The following HIP1R variants were observed in gnomAD, a reference collection of about 807,000 sequenced individuals.
HIP1R encodes the protein huntingtin-interacting protein 1-related protein.
HIP1R carries 135 observed loss-of-function variants against 144.2 expected under a neutral mutation model. That is an observed-to-expected ratio of 0.94 (90% CI 0.81 to 1.08). The LOEUF is 1.08. Ranked by LOEUF, HIP1R falls within the 50% of genes least tolerant of loss-of-function variation. The pLI, the probability that HIP1R is intolerant of heterozygous loss-of-function variation, is 0.00. For synonymous variants in HIP1R, 698 were observed against 612.8 expected, an observed-to-expected ratio of 1.14 and a Z score of -2.05; for missense variants, 1,462 against 1,432.8, an observed-to-expected ratio of 1.02 and a Z score of -0.33.
At chr12:122,845,385 G>A (rs909258107) in intron 1 of HIP1R, among the ~76,000 whole-genome samples, 2 of 152,220 alleles carry the variant, frequency 1.3e-5, no homozygotes, top group African/African-American at 2.4e-5. Flanking sequence ...TAGACACAAC[G>A]GGGCTGTGTT....
Position 122,854,270 on chromosome 12 carries a change from A to C in HIP1R, c.718+87A>C, listed in dbSNP as rs2033491672. 1.3e-5 allele frequency: 16 copies of C among 1,223,570 alleles called. No homozygotes were observed. The South Asian group carries it at 2.7e-4, about 20-fold the overall frequency. The allele number at this position is 1,223,570 out of a possible 1,614,324, so 75.8% of individuals were successfully genotyped here. On this transcript the variant is annotated intron_variant, in intron 8 of 31. Transcript: ENST00000253083. The stretch of plus-strand genomic sequence containing the variant: ...TGTCAAAAAGGAAAATCGAAAAATT[A>C]GAGGTTTATTCATTTAAAAATGGCA...
intron 5 of HIP1R, chr12:122,850,251 C>T: frequency 1.8e-6 from 1 of 570,720 alleles, no homozygotes; most frequent in Non-Finnish European, 3.3e-6. Flanking sequence ...TCCCCTCCTC[C>T]CAACCCCTCC....
chr12:122,837,361 C>T (rs919710017), intron 1 of HIP1R, among the ~76,000 whole-genome samples: 4 of 151,354 alleles, frequency 2.6e-5, no homozygotes, highest in Admixed American at 2.6e-4. Flanking sequence ...TCTCGTTGCC[C>T]AGGCTGGAGT....
Position 122,856,140 on chromosome 12 carries a change from A to G in HIP1R, c.1289A>G (p.Gln430Arg). 1 of 1,595,442 alleles carries G rather than the reference A, an allele frequency of 6.3e-7. No homozygotes were observed. Among genetic ancestry groups the G allele is most frequent in the Non-Finnish European group, 8.5e-7 (1 of 1,171,502 alleles). ...GCCCAGCTGGAGGGCGAGCGGAGCC[A>G]GGGCCTGCGTGAGGAGGCTGAGAGT... is the stretch of plus-strand genomic sequence containing the variant. ...RAAQLEGERS[Q>R]GLREEAERKA... Residue 430 changes from glutamine to arginine, a missense_variant, in exon 14 of 32, where the codon CAG becomes CGG. This residue lies in a region of HIP1R where 1,112 missense variants were observed against 1,011.7 expected (regional missense o/e 1.10). Transcript: ENST00000253083.
Position 122,857,077 on chromosome 12 carries a change from G to A in HIP1R, c.1677G>A (p.Leu559=), listed in dbSNP as rs2033605712. ...CGCTGAGTGCGGAGAAGGATGCTCT[G>A]AGTGGAGCTGTGCGGCAGCGGGAGG... ...LDTLSAEKDA[L]SGAVRQREAD... is the part of the protein sequence containing the mutation. Residue 559 remains leucine, a synonymous_variant, in exon 18 of 32, where the codon CTG becomes CTA. Coordinates refer to ENST00000253083, the MANE Select transcript of HIP1R (RefSeq NM_003959.3). 1.3e-6 allele frequency: 2 copies of A among 1,551,592 alleles called. No homozygotes were observed. Among genetic ancestry groups the A allele is most frequent in the South Asian group, 2.4e-5 (2 of 84,112 alleles).
Position 122,858,916 on chromosome 12 carries a change from C to T in HIP1R, c.2129C>T (p.Ser710Leu), listed in dbSNP as rs539146287. Residue 710 changes from serine to leucine, a missense_variant, in exon 21 of 32, where the codon TCG becomes TTG. Transcript: ENST00000253083. The part of the protein sequence containing the change: ...ADTIINGGAT[S>L]HLAPTDPADR... Reference sequence around the variant, plus strand: ...ACCATCATCAATGGCGGTGCCACCTCGCACCTGGCTCCCACCGACCCTGCC... The same window carrying T: ...ACCATCATCAATGGCGGTGCCACCTTGCACCTGGCTCCCACCGACCCTGCC... 39 of 1,613,132 alleles carry T rather than the reference C, an allele frequency of 2.4e-5. No homozygotes were observed. Among genetic ancestry groups the T allele is most frequent in the East Asian group, 4.5e-5 (2 of 44,880 alleles).
chr12:122,861,742 G>C lies in HIP1R; in HGVS notation c.3196G>C (p.Val1066Leu), dbSNP rs375706452. The change falls in exon 32 of 32, where the codon GTG becomes CTG. Residue 1066 changes from valine to leucine, a missense_variant. Around this residue, in one of 2 missense-constraint regions of HIP1R, gnomAD observed 1,112 missense variants for 1,011.7 expected, o/e 1.10. Coordinates refer to ENST00000253083, the MANE Select transcript of HIP1R (RefSeq NM_003959.3). Reference protein sequence around the residue: ...KKDGIYPAQLVNY With the variant: ...KKDGIYPAQLLNY ...GGATGGCATCTACCCAGCTCAACTC[G>C]TGAACTACTAGGCCCCCCAGGGGTC... The C allele has an allele frequency of 6.2e-7, 1 of 1,614,054 alleles. No homozygotes were observed. Among genetic ancestry groups the C allele is most frequent in the South Asian group, 1.1e-5 (1 of 91,084 alleles).
upstream of HIP1R, chr12:122,834,832 G>A (rs1418008835): frequency 1.2e-5 from 8 of 674,166 alleles, no homozygotes; most frequent in Middle Eastern, 3.0e-4. Flanking sequence ...ATGGATAACA[G>A]CTGCAGCTAT....
At position 122,861,852 on chromosome 12, in the gene HIP1R, G is replaced by A; in HGVS notation, c.*99G>A. The A allele has an allele frequency of 1.8e-6, 2 of 1,106,264 alleles. No individual in the cohort carries two copies. Among genetic ancestry groups the A allele is most frequent in the Non-Finnish European group, 2.7e-6 (2 of 748,356 alleles). The allele number at this position is 1,106,264 out of a possible 1,614,324, so 68.5% of individuals were successfully genotyped here. ...CCTTGCCCCTCCACCTGGTGCCCAA[G>A]CCTCCCGCCCCACCGTCTGGATCAA... On this transcript the variant is annotated 3_prime_UTR_variant, in exon 32 of 32. Transcript: ENST00000253083.
In HIP1R at chr12:122,858,103, A is replaced by G; in HGVS notation, c.1817A>G (p.Glu606Gly). ...GELQGRLAER[E>G]SQEQGLRQRL... The stretch of plus-strand genomic sequence containing the variant: ...TGTCCTCTTCACCCCCATTGCCAGG[A>G]GTCTCAGGAGCAGGGGCTGCGGCAG... Residue 606 changes from glutamate (E) to glycine (G), a missense_variant and splice_region_variant, in exon 19 of 32, where the codon GAG becomes GGG. Physicochemically the swap from Glu to Gly is moderately conservative, Grantham distance 98. Around this residue, in one of 2 missense-constraint regions of HIP1R, gnomAD observed 1,112 missense variants for 1,011.7 expected, o/e 1.10. Transcript: ENST00000253083. 1 of 1,576,800 alleles carries G rather than the reference A, an allele frequency of 6.3e-7. No homozygotes were observed.
chr12:122,839,024 CA>C (rs2032983941), intron 1 of HIP1R, among the ~76,000 whole-genome samples: 2 of 152,190 alleles, frequency 1.3e-5, no homozygotes, highest in Admixed American at 1.3e-4. Context: ...TTTGTTATGG[CA>C]GCCATAAGGA....
At chr12:122,858,728 C>T in intron 20 of HIP1R, 110 bp from the exon 21 acceptor site, 2 of 819,458 alleles carry the variant, frequency 2.4e-6, no homozygotes, top group Non-Finnish European at 4.2e-6. Flanking sequence ...CTTGCCGAGC[C>T]CTCCTTTCCT....
Position 122,854,036 on chromosome 12 carries a change from T to A in HIP1R, c.578-7T>A. On this transcript the variant is annotated splice_region_variant and splice_polypyrimidine_tract_variant and intron_variant, in intron 7 of 31. Transcript: ENST00000253083. The stretch of plus-strand genomic sequence containing the variant: ...CTCACGTTCTTCCTCCTGCCCCTTT[T>A]GCACAGTTTTCCGACAGCTCAACAC... 1.2e-6 allele frequency: 2 copies of A among 1,613,006 alleles called. No individual in the cohort carries two copies. Among genetic ancestry groups the A allele is most frequent in the Non-Finnish European group, 1.7e-6 (2 of 1,179,486 alleles).
intron 1 of HIP1R, among the ~76,000 whole-genome samples, chr12:122,846,886 T>C (rs1486769800): frequency 1.3e-5 from 2 of 152,190 alleles, no homozygotes; most frequent in Non-Finnish European, 2.9e-5. Flanking sequence ...AGACCCTAAT[T>C]GGATGTCCTC....
rs1230732096 is a variant in HIP1R, at chr12:122,861,781, G to C, written c.*28G>C. The C allele has an allele frequency of 6.2e-7, 1 of 1,611,154 alleles. No individual in the cohort carries two copies. Among genetic ancestry groups the C allele is most frequent in the Admixed American group, 1.7e-5 (1 of 59,922 alleles). On this transcript the variant is annotated 3_prime_UTR_variant, in exon 32 of 32. Coordinates refer to ENST00000253083, the MANE Select transcript of HIP1R (RefSeq NM_003959.3). ...CCCCCAGGGGTCCAGCAGGGTGGCTGGTGACAGGCCTGGGCCTCTGCAACT... is the reference window on the plus strand; with the variant it reads ...CCCCCAGGGGTCCAGCAGGGTGGCTCGTGACAGGCCTGGGCCTCTGCAACT...
chr12:122,835,107 C>G, upstream of HIP1R: 1 of 940,428 alleles, frequency 1.1e-6, no homozygotes, highest in Non-Finnish European at 1.5e-6. Flanking sequence ...CCTACCCTCC[C>G]CTCCGGGTTT....
At chr12:122,846,983 C>G (rs776659947) in intron 1 of HIP1R, among the ~76,000 whole-genome samples, 5 of 152,232 alleles carry the variant, frequency 3.3e-5, no homozygotes, top group Non-Finnish European at 7.3e-5. Context: ...GCTCCCTGCC[C>G]TTCAAGGCCT....
intron 20 of HIP1R, 162 bp from the exon 21 acceptor site, chr12:122,858,676 A>G (rs948667467): frequency 4.5e-6 from 3 of 671,636 alleles, no homozygotes; most frequent in African/African-American, 1.8e-5. Context: ...GCCCGGGGCC[A>G]CACACACTGT....
In HIP1R at chr12:122,836,167, G is replaced by A. The variant is rs1230982991; in HGVS notation, c.93+524G>A. Among the ~76,000 whole-genome samples, 1 of 152,010 alleles carries A rather than the reference G, an allele frequency of 6.6e-6. No homozygotes were observed. The highest frequency in any genetic ancestry group is 2.4e-5 in the African/African-American group (1 of 41,390). On this transcript the variant is annotated intron_variant, in intron 1 of 31. Coordinates refer to ENST00000253083, the MANE Select transcript of HIP1R (RefSeq NM_003959.3). The surrounding 1 kb of genome is among the most constrained non-coding windows in gnomAD (Gnocchi z 4.1). ...GCCCCCACGGGCAATTTCCTTAAAG[G>A]AAATTCCTTAAACTCCCAGCTTCCT...
Sources: gnomAD v4.1 joint callset for allele counts (sites outside exome capture counted in the v4.1 genomes callset) on GRCh38, gnomAD v4.1.1 for gene constraint, gnomAD v4.1.1 regional missense constraint, Gnocchi (gnomAD v3.1) non-coding constraint, MANE v1.5 for transcripts, NCBI Gene and HGNC (gene_info 2026-07-23, HGNC 2026-07-21) for gene names.